The following ADGRL3 variants were observed in gnomAD, a reference collection of about 807,000 sequenced individuals.
ADGRL3 encodes the protein calcium-independent alpha-latrotoxin receptor 3.
In ADGRL3, 62 loss-of-function variants were observed where a neutral mutation model predicts 153.5. That is an observed-to-expected ratio of 0.40 (90% CI 0.33 to 0.50). The LOEUF is 0.50. Ranked by LOEUF, ADGRL3 falls within the 20% of genes least tolerant of loss-of-function variation. The pLI is 0.47. For missense variants in ADGRL3, 1,641 were observed against 1,859.4 expected, an observed-to-expected ratio of 0.88 and a Z score of 2.16; for synonymous variants, 710 against 672.5, an observed-to-expected ratio of 1.06 and a Z score of -0.86.
intron 5 of ADGRL3, among the ~76,000 whole-genome samples, chr4:61,608,046 G>GA (rs2099039415): frequency 6.6e-6 from 1 of 152,094 alleles, no homozygotes; most frequent in Non-Finnish European, 1.5e-5. Context: ...CGTGAGAAAA[G>GA]AAAAAAGAAC....
intron 4 of ADGRL3, among the ~76,000 whole-genome samples, chr4:61,566,965 C>T (rs1411625912): frequency 6.6e-6 from 1 of 152,094 alleles, no homozygotes; most frequent in African/African-American, 2.4e-5. Context: ...GCTTTAAGAA[C>T]ATTATTAATC....
At chr4:61,776,192 G>A (rs941194227) in intron 8 of ADGRL3, among the ~76,000 whole-genome samples, 1 of 152,158 alleles carries the variant, frequency 6.6e-6, no homozygotes, top group Middle Eastern at 3.4e-3. Flanking sequence ...GAGCCACGGC[G>A]CCAAGCCCTG....
chr4:61,566,206 G>A (rs2098815514), intron 4 of ADGRL3, among the ~76,000 whole-genome samples: 1 of 152,078 alleles, frequency 6.6e-6, no homozygotes, highest in Admixed American at 6.6e-5. Flanking sequence ...TTCTGCTCAG[G>A]GCTATGAAGA....
At chr4:61,964,592 G>A (rs2098999419) in intron 17 of ADGRL3, among the ~76,000 whole-genome samples, 1 of 151,720 alleles carries the variant, frequency 6.6e-6, no homozygotes, top group African/African-American at 2.4e-5. Context: ...TTCAAATGTT[G>A]GTTATGTGAA....
intron 21 of ADGRL3, among the ~76,000 whole-genome samples, chr4:62,023,911 C>G (rs1333196286): frequency 1.0e-5 from 1 of 96,204 alleles, no homozygotes; most frequent in African/African-American, 3.0e-5. Context: ...TTGCATGCAA[C>G]CTACCAATTC....
intron 9 of ADGRL3, among the ~76,000 whole-genome samples, chr4:61,890,831 G>A (rs1470296425): frequency 6.6e-6 from 1 of 152,092 alleles, no homozygotes. Context: ...TCTCAGCAGT[G>A]ACACCATTGA....
intron 17 of ADGRL3, among the ~76,000 whole-genome samples, chr4:61,962,787 C>T (rs951650636): frequency 7.9e-5 from 12 of 152,018 alleles, no homozygotes; most frequent in East Asian, 3.9e-4. Context: ...TCTGTGGGAA[C>T]GTATTTGGAA....
chr4:61,959,892 A>T, intron 17 of ADGRL3, among the ~76,000 whole-genome samples: 1 of 152,282 alleles, frequency 6.6e-6, no homozygotes, highest in East Asian at 1.9e-4. Flanking sequence ...TATCTATAGT[A>T]TGGTGGGATT....
intron 1 of ADGRL3, among the ~76,000 whole-genome samples, chr4:61,346,775 C>G (rs1279064692): frequency 1.5e-5 from 2 of 131,906 alleles, no homozygotes; most frequent in Non-Finnish European, 3.1e-5. Context: ...AAAGCCAGAC[C>G]TGTCTCAAAA....
chr4:61,816,588 G>A (rs190982107), intron 9 of ADGRL3, among the ~76,000 whole-genome samples: 1 of 152,322 alleles, frequency 6.6e-6, no homozygotes, highest in East Asian at 1.9e-4. Flanking sequence ...ACCATAGGTA[G>A]TCATATAAAA....
chr4:61,230,891 G>C (rs1215034760), intron 1 of ADGRL3, among the ~76,000 whole-genome samples: 1 of 152,154 alleles, frequency 6.6e-6, no homozygotes, highest in Non-Finnish European at 1.5e-5. Flanking sequence ...ACAGCCTCCT[G>C]GGGAAAAGTG....
At position 62,075,204 on chromosome 4, in the gene ADGRL3, G is replaced by C. The variant is rs1365847704; in HGVS notation, c.*4296G>C. 2 of 152,074 alleles carry C rather than the reference G, an allele frequency of 1.3e-5. No homozygotes were observed. Among genetic ancestry groups the C allele is most frequent in the Non-Finnish European group, 2.9e-5 (2 of 68,056 alleles). The allele number at this position is 152,074 out of a possible 1,614,324, so 9.4% of individuals were successfully genotyped here. Reference sequence around the variant, plus strand: ...TGGATTTTTTTGTTGTGGTTTTAAAGAGATGGGGTCTTGCTCTGTCACAAA... The same window carrying C: ...TGGATTTTTTTGTTGTGGTTTTAAACAGATGGGGTCTTGCTCTGTCACAAA... On this transcript the variant is annotated 3_prime_UTR_variant, in exon 27 of 27. Transcript: ENST00000683033.
intron 5 of ADGRL3, among the ~76,000 whole-genome samples, chr4:61,590,161 C>G (rs1375653629): frequency 1.3e-5 from 2 of 152,176 alleles, no homozygotes; most frequent in East Asian, 3.9e-4. Context: ...CTCATCTAAA[C>G]ATTAACAAAC....
At chr4:61,485,218 C>T (rs780875963) in intron 2 of ADGRL3, among the ~76,000 whole-genome samples, 10 of 152,014 alleles carry the variant, frequency 6.6e-5, no homozygotes, top group African/African-American at 1.7e-4. Context: ...CTCTCTTGCC[C>T]GGTTGCTACT....
At chr4:61,631,465 T>G (rs1463279633) in intron 5 of ADGRL3, among the ~76,000 whole-genome samples, 3 of 152,222 alleles carry the variant, frequency 2.0e-5, no homozygotes, top group Non-Finnish European at 4.4e-5. Context: ...CTTTTCATCA[T>G]AAAGTACCTG....
intron 6 of ADGRL3, among the ~76,000 whole-genome samples, chr4:61,728,211 T>C (rs2096381516): frequency 1.3e-5 from 2 of 152,056 alleles, no homozygotes; most frequent in Non-Finnish European, 2.9e-5. Context: ...CAGCCAGTCA[T>C]GACATGGGCA....
At chr4:61,400,185 A>C (rs1204361057) in intron 2 of ADGRL3, among the ~76,000 whole-genome samples, 1 of 151,744 alleles carries the variant, frequency 6.6e-6, no homozygotes, top group Non-Finnish European at 1.5e-5. Flanking sequence ...TTGCATGGTT[A>C]ATGTATCTAG....
chr4:61,798,603 T>C (rs575296804), intron 8 of ADGRL3, among the ~76,000 whole-genome samples: 2 of 128,450 alleles, frequency 1.6e-5, no homozygotes, highest in Non-Finnish European at 3.1e-5. Flanking sequence ...TGTTTGTTTA[T>C]TTATTTATTT....
At chr4:61,450,405 C>T (rs998879010) in intron 2 of ADGRL3, among the ~76,000 whole-genome samples, 9 of 152,040 alleles carry the variant, frequency 5.9e-5, no homozygotes, top group African/African-American at 1.9e-4. Context: ...CATACATTTA[C>T]CCATTTGTGA....
Sources: gnomAD v4.1 joint callset for allele counts (sites outside exome capture counted in the v4.1 genomes callset) on GRCh38, gnomAD v4.1.1 for gene constraint, MANE v1.5 for transcripts, NCBI Gene and HGNC (gene_info 2026-07-23, HGNC 2026-07-21) for gene names.